Variants in MED13L observed in about 807,000 individuals in gnomAD.
MED13L encodes mediator of RNA polymerase II transcription subunit 13-like.
A neutral mutation model predicts 220.9 loss-of-function variants in MED13L; 7 were observed. The observed-to-expected ratio is 0.03, with a 90% confidence interval of 0.02 to 0.06. MED13L has a LOEUF of 0.06. MED13L is among the 10% of genes least tolerant of loss of function. The probability of loss-of-function intolerance (pLI) is 1.00; values close to 1 mark genes in which losing one functional copy is unlikely to be tolerated. For missense variants in MED13L, 1,965 were observed against 2,760.5 expected (o/e 0.71, Z 6.46); for synonymous variants, 1,011 against 1,015.2 (o/e 1.00, Z 0.08).
At chr12:116,187,983 T>G (rs1351735024) in intron 2 of MED13L, among the ~76,000 whole-genome samples, 1 of 152,098 alleles carries the variant, frequency 6.6e-6, no homozygotes. Context: ...TGTAAGTCCC[T>G]GCAGAATTTC....
At chr12:116,173,000 G>A (rs1042907571) in intron 2 of MED13L, among the ~76,000 whole-genome samples, 5 of 149,294 alleles carry the variant, frequency 3.3e-5, no homozygotes, top group African/African-American at 1.2e-4. Context: ...CAGTCCAGGA[G>A]CTAAGATGTG....
Position 116,103,735 on chromosome 12 carries a change from G to A in MED13L, c.396-6983C>T, listed in dbSNP as rs1267735801. Among the ~76,000 whole-genome samples, 5 of 152,156 alleles carry A rather than the reference G, an allele frequency of 3.3e-5. No individual in the cohort carries two copies. In the East Asian group the frequency reaches 5.8e-4, roughly 18 times the overall value. ...ATGTGCTTTCAGTCACTTGTTCTACGATATCTGTACTGTCTCTTTCATTAA... is the reference window on the plus strand; with the variant it reads ...ATGTGCTTTCAGTCACTTGTTCTACAATATCTGTACTGTCTCTTTCATTAA... On this transcript the variant is annotated intron_variant, in intron 3 of 30. Coordinates refer to ENST00000281928, the MANE Select transcript of MED13L (RefSeq NM_015335.5).
At chr12:116,238,827 T>C (rs1359602784) in intron 1 of MED13L, among the ~76,000 whole-genome samples, 1 of 152,204 alleles carries the variant, frequency 6.6e-6, no homozygotes, top group Non-Finnish European at 1.5e-5. Flanking sequence ...CTGAGCACGG[T>C]GGTTCACGCC....
intron 2 of MED13L, among the ~76,000 whole-genome samples, chr12:116,170,039 G>C (rs544528775): frequency 2.6e-5 from 4 of 152,044 alleles, no homozygotes; most frequent in East Asian, 1.9e-4. Context: ...ACAAAAAATC[G>C]TATCAATGAA....
chr12:116,176,014 C>G (rs891715017), intron 2 of MED13L, among the ~76,000 whole-genome samples: 1 of 152,062 alleles, frequency 6.6e-6, no homozygotes, highest in Non-Finnish European at 1.5e-5. Flanking sequence ...CGATCCCAGA[C>G]AGGCAACCAG....
chr12:116,276,277 CGATGTTATCAAACCGACCAGCTTGTT>C (rs1052058370), intron 1 of MED13L, among the ~76,000 whole-genome samples: 1 of 145,780 alleles, frequency 6.9e-6, no homozygotes, highest in Non-Finnish European at 1.5e-5. Flanking sequence ...CAGATAAAAG[CGATGTTATCAAACCGACCAGCTTGTT>C]GCTTTTGTGT....
intron 2 of MED13L, among the ~76,000 whole-genome samples, chr12:116,141,314 A>G (rs951211987): frequency 6.6e-6 from 1 of 152,236 alleles, no homozygotes; most frequent in Non-Finnish European, 1.5e-5. Context: ...AGGTGGCAGC[A>G]GCAGTACACT....
At chr12:116,013,213 T>C (rs1388969476) in intron 8 of MED13L, among the ~76,000 whole-genome samples, 1 of 152,046 alleles carries the variant, frequency 6.6e-6, no homozygotes, top group Non-Finnish European at 1.5e-5. Context: ...TATATACAAA[T>C]ACAAAAATTA....
chr12:116,055,074 T>C (rs1868837005), intron 4 of MED13L, among the ~76,000 whole-genome samples: 1 of 152,204 alleles, frequency 6.6e-6, no homozygotes, highest in Non-Finnish European at 1.5e-5. Flanking sequence ...AAACTCAGCA[T>C]AAAGTATACG....
chr12:116,003,246 T>A (rs968365777), intron 13 of MED13L, 144 bp from the exon 14 acceptor site: 3 of 714,344 alleles, frequency 4.2e-6, no homozygotes, highest in Non-Finnish European at 4.9e-6. Flanking sequence ...CAACAGATAG[T>A]GAAACAAAGG....
chr12:116,203,369 CAG>C (rs1235479578), intron 2 of MED13L, among the ~76,000 whole-genome samples: 1 of 150,950 alleles, frequency 6.6e-6, no homozygotes, highest in African/African-American at 2.4e-5. Flanking sequence ...ATGCTAGAAA[CAG>C]TAACTTTTCT....
chr12:116,208,803 CA>C (rs918421489), intron 2 of MED13L, among the ~76,000 whole-genome samples: 19 of 152,134 alleles, frequency 1.2e-4, no homozygotes, highest in Admixed American at 1.2e-3. Context: ...CTGTCCCTAC[CA>C]AAAATCATTT....
In MED13L at chr12:116,007,645, CAAA is replaced by C. The variant is rs542425590; in HGVS notation, c.2013-12_2013-10del. 11,256 of 746,002 alleles carry C rather than the reference CAAA, an allele frequency of 0.015. No homozygotes were observed. Among genetic ancestry groups the C allele is most frequent in the Middle Eastern group, 0.022 (51 of 2,282 alleles). The allele number at this position is 746,002 out of a possible 1,614,324, so 46.2% of individuals were successfully genotyped here. A position where few individuals can be genotyped will look rare whatever the true frequency, so the allele number is the denominator to read the frequency against. ...TAGGTTGTGCTAAGAGTCTAAAAGA[CAAA>C]AAAAAAAAAAAAAAAAAGAGCATTT... On this transcript the variant is annotated splice_polypyrimidine_tract_variant and intron_variant, in intron 10 of 30. Transcript: ENST00000281928.
intron 19 of MED13L, 28 bp from the exon 20 acceptor site, chr12:115,984,400 A>T (rs369969104): frequency 6.2e-7 from 1 of 1,611,952 alleles, no homozygotes; most frequent in Non-Finnish European, 8.5e-7. Flanking sequence ...ATCATTAGTT[A>T]TAACAGGAGC....
At chr12:116,262,256 C>G (rs536007632) in intron 1 of MED13L, among the ~76,000 whole-genome samples, 132 of 152,138 alleles carry the variant, frequency 8.7e-4, no homozygotes, top group Middle Eastern at 3.4e-3. Flanking sequence ...AATATTACCA[C>G]CAAACTCAAA....
intron 19 of MED13L, among the ~76,000 whole-genome samples, chr12:115,985,343 T>C (rs933588213): frequency 6.6e-6 from 1 of 152,368 alleles, no homozygotes; most frequent in Non-Finnish European, 1.5e-5. Flanking sequence ...ACTTAATTGA[T>C]GTCATTACAT....
Position 115,983,354 on chromosome 12 carries a change from G to C in MED13L, c.4718C>G (p.Pro1573Arg). The change falls in exon 21 of 31, where the codon CCT (proline) becomes CGT (arginine). Residue 1573 changes from proline to arginine, a missense_variant. Coordinates refer to ENST00000281928, the MANE Select transcript of MED13L (RefSeq NM_015335.5). The part of the protein sequence containing the change: ...NPTSNSSSTN[P>R]AASSSASGSS... ...ACCAGATGCAGAACTACTTGCTGCA[G>C]GATTTGTAGAACTACTATTCGAGGT... 1 of 1,614,230 alleles carries C rather than the reference G, an allele frequency of 6.2e-7. No individual in the cohort carries two copies.
chr12:116,148,517 T>C, intron 2 of MED13L: 1 of 323,862 alleles, frequency 3.1e-6, no homozygotes, highest in Non-Finnish European at 6.8e-6. Flanking sequence ...AAAGATAAAA[T>C]CACTGAAAAA....
chr12:116,186,497 G>A (rs1466265136), intron 2 of MED13L, among the ~76,000 whole-genome samples: 1 of 152,006 alleles, frequency 6.6e-6, no homozygotes, highest in Non-Finnish European at 1.5e-5. Context: ...AATTTATTTA[G>A]ATCCAGTAAG....
Sources: allele counts gnomAD v4.1 joint callset (sites outside exome capture counted in the v4.1 genomes callset), GRCh38; gene constraint gnomAD v4.1.1; transcripts MANE v1.5; gene names NCBI Gene and HGNC (gene_info 2026-07-23, HGNC 2026-07-21).